Variants in MAST3 observed in about 807,000 individuals in gnomAD.
The protein encoded by MAST3 is microtubule-associated serine/threonine-protein kinase 3.
In MAST3, 43 loss-of-function variants were observed where a neutral mutation model predicts 127.0. That is an observed-to-expected ratio of 0.34 (90% CI 0.27 to 0.44). The LOEUF is 0.44. Among genes scored for constraint, MAST3 ranks in the 20% least tolerant of loss-of-function variants. The probability of loss-of-function intolerance (pLI) is 1.00; values close to 1 mark genes in which losing one functional copy is unlikely to be tolerated. For synonymous variants in MAST3, 785 were observed against 809.2 expected (o/e 0.97, Z 0.51); for missense variants, 1,390 against 1,919.1 (o/e 0.72, Z 5.15).
At chr19:18,101,362 T>TCTCCATCTCCTCCTCCTCCTC (rs2037598541) in intron 1 of MAST3, among the ~76,000 whole-genome samples, 3 of 96,236 alleles carry the variant, frequency 3.1e-5, no homozygotes, top group Non-Finnish European at 7.0e-5. Context: ...TCCTCCTCCT[T>TCTCCATCTCCTCCTCCTCCTC]CTCCTTCTCC....
intron 15 of MAST3, among the ~76,000 whole-genome samples, chr19:18,133,775 A>G (rs1026988059): frequency 9.9e-5 from 15 of 151,770 alleles, no homozygotes; most frequent in African/African-American, 3.6e-4. Context: ...GCTGGTTTTG[A>G]ACTCCCGACC....
chr19:18,137,525 G>A (rs1234039620), intron 19 of MAST3, among the ~76,000 whole-genome samples, 164 bp downstream of exon 19: 7 of 152,134 alleles, frequency 4.6e-5, no homozygotes, highest in East Asian at 3.9e-4. Context: ...GGCGTGTGTC[G>A]GCCGCCCCCT....
At chr19:18,138,929 C>T in intron 19 of MAST3, 86 bp from the exon 20 acceptor site, 1 of 907,504 alleles carries the variant, frequency 1.1e-6, no homozygotes, top group Non-Finnish European at 1.8e-6. Context: ...TGACCCTATC[C>T]TGAGATGCCC....
intron 3 of MAST3, among the ~76,000 whole-genome samples, chr19:18,120,205 A>G (rs1044803561): frequency 6.6e-6 from 1 of 152,162 alleles, no homozygotes; most frequent in Non-Finnish European, 1.5e-5. Context: ...AAGAGGTTGC[A>G]TTTAGGGTTT....
At chr19:18,101,691 C>CGTGAT (rs2037635927) in intron 1 of MAST3, among the ~76,000 whole-genome samples, 1 of 152,090 alleles carries the variant, frequency 6.6e-6, no homozygotes, top group Admixed American at 6.6e-5. Context: ...AGTGCGGTGG[C>CGTGAT]CCAGGCTGGA....
rs1285039779 is a variant in MAST3, at chr19:18,151,672, A to T, written c.*1946A>T. On this transcript the variant is annotated 3_prime_UTR_variant, in exon 28 of 28. Coordinates refer to ENST00000687212, the MANE Select transcript of MAST3 (RefSeq NM_001393504.1). ...CATCCTGGAGCTGGCAGTGAATAAA[A>T]GCCCGTATTTACAAAGATGAGCTCC... The T allele has an allele frequency of 6.6e-6, 1 of 152,302 alleles. No homozygotes were observed. Among genetic ancestry groups the T allele is most frequent in the Non-Finnish European group, 1.5e-5 (1 of 68,088 alleles). The allele number at this position is 152,302 out of a possible 1,614,324, so 9.4% of individuals were successfully genotyped here.
chr19:18,101,895 T>G (rs2037660373), intron 1 of MAST3, among the ~76,000 whole-genome samples: 1 of 139,974 alleles, frequency 7.1e-6, no homozygotes. Flanking sequence ...TTTTTTTTTT[T>G]TTTTTTTTTT....
chr19:18,138,306 T>G (rs1164156057), intron 19 of MAST3, among the ~76,000 whole-genome samples: 1 of 132,768 alleles, frequency 7.5e-6, no homozygotes, highest in Non-Finnish European at 1.6e-5. Context: ...TTCCCGCCCC[T>G]GGTCCCACAA....
At chr19:18,136,544 T>C (rs745624296) in intron 18 of MAST3, among the ~76,000 whole-genome samples, 1 of 152,132 alleles carries the variant, frequency 6.6e-6, no homozygotes, top group Non-Finnish European at 1.5e-5. Context: ...GCCTCCCGAG[T>C]AGCCGGAACC....
At chr19:18,146,790 G>A (rs1358935616) in intron 25 of MAST3, 91 bp from the exon 26 acceptor site, 1 of 1,302,030 alleles carries the variant, frequency 7.7e-7, no homozygotes, top group Non-Finnish European at 1.0e-6. Context: ...GTCCCAGCTG[G>A]TGCCCGGAGT....
intron 27 of MAST3, 38 bp downstream of exon 27, chr19:18,147,662 T>A: frequency 7.0e-7 from 1 of 1,419,532 alleles, no homozygotes; most frequent in Non-Finnish European, 9.5e-7. Context: ...CCGGCTACCC[T>A]GGGAGCAAGG....
chr19:18,119,887 G>T (rs764011200), intron 3 of MAST3, among the ~76,000 whole-genome samples: 85 of 152,206 alleles, frequency 5.6e-4, no homozygotes, highest in Admixed American at 2.9e-3. Flanking sequence ...CACCTCGGAG[G>T]CCCCGAGACT....
Position 18,106,966 on chromosome 19 carries a change from A to ATTTTT in MAST3, c.40-595_40-591dup, listed in dbSNP as rs60298417. On this transcript the variant is annotated intron_variant, in intron 1 of 27. Transcript: ENST00000687212. Reference sequence around the variant, plus strand: ...CAGGCTTGAGCCACCATGCCCAGCAATTTTTTTTTTTTTTTTTTTTTTTTT... The same window carrying ATTTTT: ...CAGGCTTGAGCCACCATGCCCAGCAATTTTTTTTTTTTTTTTTTTTTTTTTTTTTT... 8.8e-3 allele frequency among the ~76,000 whole-genome samples: 647 copies of ATTTTT among 73,928 alleles called. 33 individuals are homozygous for ATTTTT. The highest frequency in any genetic ancestry group is 0.012 in the African/African-American group (186 of 16,002). 48.5% of individuals were successfully genotyped at this position (73,928 alleles called of 152,430 possible). A position where few individuals can be genotyped will look rare whatever the true frequency, so the allele number is the denominator to read the frequency against.
At chr19:18,133,978 C>T (rs533639596) in intron 15 of MAST3, among the ~76,000 whole-genome samples, 1 of 152,276 alleles carries the variant, frequency 6.6e-6, no homozygotes, top group East Asian at 1.9e-4. Flanking sequence ...TGTATGAAGT[C>T]GCATTTCCGT....
intron 3 of MAST3, among the ~76,000 whole-genome samples, chr19:18,116,584 C>G (rs954709779): frequency 1.3e-5 from 2 of 148,274 alleles, no homozygotes; most frequent in African/African-American, 2.5e-5. Context: ...CGTGAGCCAC[C>G]ACGCCCAGCC....
chr19:18,130,583 T>C lies in MAST3; in HGVS notation c.1313T>C (p.Ile438Thr). The change falls in exon 14 of 28, where the codon ATC becomes ACC. Residue 438 changes from isoleucine to threonine, a missense_variant. This residue lies in a region of MAST3 where 191 missense variants were observed against 409.0 expected (regional missense o/e 0.47). Transcript: ENST00000687212. ...CAGAACTTGATCCTGCGTAACCAGA[T>C]CCAGCAGGTCTTTGTGGAGCGTGAC... ...NKQNLILRNQIQQVFVERDIL... is the reference protein window; with the variant it reads ...NKQNLILRNQTQQVFVERDIL... 1 of 1,613,562 alleles carries C rather than the reference T, an allele frequency of 6.2e-7. No individual in the cohort carries two copies. The highest frequency in any genetic ancestry group is 1.1e-5 in the South Asian group (1 of 90,998).
intron 8 of MAST3, 24 bp downstream of exon 8, chr19:18,123,679 C>G: frequency 6.6e-7 from 1 of 1,520,038 alleles, no homozygotes; most frequent in Non-Finnish European, 8.8e-7. Context: ...GGCGGCTGGA[C>G]CAGCCCCTGC....
intron 3 of MAST3, among the ~76,000 whole-genome samples, chr19:18,115,341 G>A (rs1349393176): frequency 6.6e-6 from 1 of 152,096 alleles, no homozygotes; most frequent in African/African-American, 2.4e-5. Context: ...AGGGCAGTGG[G>A]TGTATGTAAT....
intron 1 of MAST3, among the ~76,000 whole-genome samples, chr19:18,102,257 C>T (rs1457638333): frequency 1.3e-5 from 2 of 151,386 alleles, no homozygotes; most frequent in Non-Finnish European, 2.9e-5. Context: ...CTCGGCTCAC[C>T]GCAACCTCTG....
Sources: gnomAD v4.1 joint callset for allele counts (sites outside exome capture counted in the v4.1 genomes callset) on GRCh38, gnomAD v4.1.1 for gene constraint, gnomAD v4.1.1 regional missense constraint, MANE v1.5 for transcripts, NCBI Gene and HGNC (gene_info 2026-07-23, HGNC 2026-07-21) for gene names.